AP3D1: variants seen among roughly 807,000 people sequenced by gnomAD.
AP3D1 encodes AP-3 complex subunit delta-1.
Under a neutral mutation model 147.6 loss-of-function variants are expected in AP3D1, and 51 were observed. That is an observed-to-expected ratio of 0.35 (90% CI 0.28 to 0.44). The LOEUF (loss-of-function observed/expected upper bound fraction) is 0.44, where lower values mean the gene tolerates loss of function less well. Ranked by LOEUF, AP3D1 falls within the 20% of genes least tolerant of loss-of-function variation. The pLI is 1.00. For synonymous variants in AP3D1, 760 were observed against 663.0 expected (o/e 1.15, Z -2.25); for missense variants, 1,421 against 1,624.2 (o/e 0.87, Z 2.15).
intron 1 of AP3D1, among the ~76,000 whole-genome samples, chr19:2,139,149 C>T (rs1289487354): frequency 6.7e-6 from 1 of 150,020 alleles, no homozygotes. Context: ...ATGTCCAGAT[C>T]AGGCCAATCC....
chr19:2,137,881 C>A, intron 2 of AP3D1, 74 bp from the exon 3 acceptor site: 1 of 1,383,490 alleles, frequency 7.2e-7, no homozygotes, highest in Admixed American at 1.7e-5. Context: ...CGGCATCAAG[C>A]GCTCCCTCCC....
intron 30 of AP3D1, 109 bp from the exon 31 acceptor site, chr19:2,108,875 G>C (rs1568274741): frequency 7.4e-7 from 1 of 1,349,220 alleles, no homozygotes; most frequent in Non-Finnish European, 1.0e-6. Flanking sequence ...GCTTCAGGAG[G>C]CCTGTAGGAG....
intron 1 of AP3D1, among the ~76,000 whole-genome samples, chr19:2,160,846 C>A (rs1028520166): frequency 6.6e-6 from 1 of 152,124 alleles, no homozygotes; most frequent in South Asian, 2.1e-4. Flanking sequence ...TGGTAAGCAG[C>A]GTCCGTGGCC....
intron 1 of AP3D1, among the ~76,000 whole-genome samples, chr19:2,159,397 T>A (rs2019676620): frequency 6.6e-6 from 1 of 151,824 alleles, no homozygotes; most frequent in East Asian, 1.9e-4. Flanking sequence ...TTTTTTTGTT[T>A]TTTTTTTTTG....
At chr19:2,152,138 G>A (rs2019548207), upstream of AP3D1, among the ~76,000 whole-genome samples, 1 of 152,188 alleles carries the variant, frequency 6.6e-6, no homozygotes, top group Admixed American at 6.6e-5. Flanking sequence ...AACATTTGTC[G>A]AAGGCCCATT....
rs2019510504 is a variant in AP3D1, at chr19:2,151,461, C to A, written c.-127G>T. 2 of 471,188 alleles carry A rather than the reference C, an allele frequency of 4.2e-6. No individual in the cohort carries two copies. Among genetic ancestry groups the A allele is most frequent in the Non-Finnish European group, 5.6e-6 (2 of 355,174 alleles). The allele number at this position is 471,188 out of a possible 1,614,324, so 29.2% of individuals were successfully genotyped here. A position where few individuals can be genotyped will look rare whatever the true frequency, so the allele number is the denominator to read the frequency against. On this transcript the variant is annotated 5_prime_UTR_variant, in exon 1 of 32. Coordinates refer to ENST00000643116, the MANE Select transcript of AP3D1 (RefSeq NM_001261826.3). The stretch of plus-strand genomic sequence containing the variant: ...CGCTGCGGCGGGGCAAGCTCCCAGG[C>A]CAGGGCGGCGGCGGGGTCCAAGGAC...
chr19:2,118,073 T>C (rs1398045090), intron 15 of AP3D1, among the ~76,000 whole-genome samples: 2 of 151,926 alleles, frequency 1.3e-5, no homozygotes, highest in Admixed American at 6.6e-5. Context: ...GGCAGAAGAA[T>C]CCCTTGAACC....
In AP3D1 at chr19:2,116,590, C is replaced by T. The variant is rs771344330; in HGVS notation, c.2001+15G>A. 3 of 1,574,268 alleles carry T rather than the reference C, an allele frequency of 1.9e-6. No homozygotes were observed. In the East Asian group the frequency reaches 6.8e-5, roughly 36 times the overall value. On this transcript the variant is annotated intron_variant, in intron 17 of 31. Coordinates refer to ENST00000643116, the MANE Select transcript of AP3D1 (RefSeq NM_001261826.3). ...GGAGGAGACGAGGGCTCGCCAGGGG[C>T]AGCCAGCAGCTCACCCGAGCCAGCT... is the stretch of plus-strand genomic sequence containing the variant.
At chr19:2,143,867 C>T (rs1019859736) in intron 1 of AP3D1, among the ~76,000 whole-genome samples, 2 of 151,960 alleles carry the variant, frequency 1.3e-5, no homozygotes, top group African/African-American at 2.4e-5. Context: ...GCGGGTGCAT[C>T]GCCTGAGGTT....
intron 11 of AP3D1, among the ~76,000 whole-genome samples, chr19:2,122,624 CAACT>C (rs1431043572): frequency 6.6e-6 from 1 of 152,216 alleles, no homozygotes; most frequent in Non-Finnish European, 1.5e-5. Context: ...AAGAAATGAA[CAACT>C]AATAGTAACT....
At chr19:2,131,707 G>T (rs79692547) in intron 5 of AP3D1, among the ~76,000 whole-genome samples, 1 of 49,360 alleles carries the variant, frequency 2.0e-5, no homozygotes, top group Non-Finnish European at 4.3e-5. Context: ...AGACACCTCC[G>T]GGCGGACAGG....
chr19:2,114,976 C>A (rs2018399022), intron 20 of AP3D1, among the ~76,000 whole-genome samples, 155 bp from the exon 21 acceptor site: 1 of 152,244 alleles, frequency 6.6e-6, no homozygotes, highest in Non-Finnish European at 1.5e-5. Context: ...CGTCTAGGCA[C>A]TAAGGGCGGC....
At position 2,127,302 on chromosome 19, in the gene AP3D1, G is replaced by A. The variant is rs2145095341; in HGVS notation, c.807-101C>T. On this transcript the variant is annotated intron_variant, in intron 8 of 31. Coordinates refer to ENST00000643116, the MANE Select transcript of AP3D1 (RefSeq NM_001261826.3). ...CAGCTGGAGACGGCCTCCGCCCCAC[G>A]GCTCAGGGAGTGTGCCCCAGGAGGG... 8 of 1,294,930 alleles carry A rather than the reference G, an allele frequency of 6.2e-6. No homozygotes were observed. In the Admixed American group the frequency reaches 7.4e-5, roughly 12 times the overall value. The allele number at this position is 1,294,930 out of a possible 1,614,324, so 80.2% of individuals were successfully genotyped here.
intron 1 of AP3D1, among the ~76,000 whole-genome samples, chr19:2,162,074 C>T (rs1425597588): frequency 1.4e-5 from 2 of 139,412 alleles, no homozygotes; most frequent in Admixed American, 7.4e-5. Flanking sequence ...CTCACTCTGT[C>T]GCCCAGGCTG....
At position 2,138,689 on chromosome 19, in the gene AP3D1, T is replaced by A. The variant is rs755026932; in HGVS notation, c.122A>T (p.Asp41Val). ...DEAKYISQCI[D>V]EIKQELKQDN... ...CTGCTTCAGCTCCTGCTTGATCTCA[T>A]CAATGCACTGAGATATGTATTTTGC... The change falls in exon 2 of 32, where the codon GAT (aspartate) becomes GTT (valine). Residue 41 changes from aspartate to valine, a missense_variant. Asp to Val is a radical substitution (Grantham distance 152, BLOSUM62 -3). Around this residue, in one of 6 missense-constraint regions of AP3D1, gnomAD observed 292 missense variants for 412.0 expected, o/e 0.71. Transcript: ENST00000643116. 1 of 1,613,558 alleles carries A rather than the reference T, an allele frequency of 6.2e-7. No individual in the cohort carries two copies. The highest frequency in any genetic ancestry group is 8.5e-7 in the Non-Finnish European group (1 of 1,179,904).
chr19:2,110,332 CTG>C, intron 27 of AP3D1, 108 bp from the exon 28 acceptor site: 1 of 935,016 alleles, frequency 1.1e-6, no homozygotes, highest in Middle Eastern at 3.2e-4. Flanking sequence ...GATTAGGAAA[CTG>C]AGCTCAGCCC....
intron 1 of AP3D1, among the ~76,000 whole-genome samples, chr19:2,163,172 C>G (rs1379990749): frequency 6.6e-6 from 1 of 152,172 alleles, no homozygotes; most frequent in African/African-American, 2.4e-5. Context: ...CTCCTGGGTT[C>G]AAGCGATTCT....
At position 2,110,817 on chromosome 19, in the gene AP3D1, A is replaced by C. The variant is rs2018253134; in HGVS notation, c.3065T>G (p.Ile1022Ser). Residue 1022 changes from isoleucine to serine, a missense_variant, in exon 27 of 32, where the codon ATC becomes AGC. This residue lies in a region of AP3D1 where 791 missense variants were observed against 761.4 expected (regional missense o/e 1.04). Coordinates refer to ENST00000643116, the MANE Select transcript of AP3D1 (RefSeq NM_001261826.3). ...AIVLENRSSS[I>S]LKGMELSVLD... ...CACGCTGAGCTCCATGCCCTTGAGG[A>C]TGCTGCTGCTCCTGTTCTCCAGCAC... is the stretch of plus-strand genomic sequence containing the variant. 5 of 1,613,520 alleles carry C rather than the reference A, an allele frequency of 3.1e-6. No individual in the cohort carries two copies. Among genetic ancestry groups the C allele is most frequent in the African/African-American group, 2.7e-5 (2 of 74,914 alleles).
intron 31 of AP3D1, 62 bp downstream of exon 31, chr19:2,108,625 C>T (rs1175009054): frequency 4.2e-5 from 63 of 1,488,756 alleles, no homozygotes; most frequent in Non-Finnish European, 5.6e-5. Context: ...GGGATGAAGG[C>T]CTGGGCATGA....
Sources: allele counts gnomAD v4.1 joint callset (sites outside exome capture counted in the v4.1 genomes callset), GRCh38; gene constraint gnomAD v4.1.1; regional missense constraint gnomAD v4.1.1; transcripts MANE v1.5; gene names NCBI Gene and HGNC (gene_info 2026-07-23, HGNC 2026-07-21).